Variants in DUS2 observed in about 807,000 individuals in gnomAD.
The protein encoded by DUS2 is tRNA-dihydrouridine(20) synthase [NAD(P)+]-like.
DUS2 carries 52 observed loss-of-function variants against 71.3 expected under a neutral mutation model. The observed-to-expected ratio is 0.73, with a 90% CI of 0.58 to 0.92. The LOEUF (loss-of-function observed/expected upper bound fraction) is 0.92, where lower values mean the gene tolerates loss of function less well. DUS2 is among the 40% of genes least tolerant of loss of function. The probability of loss-of-function intolerance (pLI) is 0.00; values close to 1 mark genes in which losing one functional copy is unlikely to be tolerated. For synonymous variants in DUS2, 204 were observed against 227.8 expected (o/e 0.90, Z 0.94); for missense variants, 558 against 622.6 (o/e 0.90, Z 1.10).
At chr16:68,035,358 C>G (rs988977519) in intron 2 of DUS2, among the ~76,000 whole-genome samples, 2 of 151,980 alleles carry the variant, frequency 1.3e-5, no homozygotes, top group East Asian at 3.9e-4. Flanking sequence ...TTTCTTACTG[C>G]TGTTAACATT....
intron 4 of DUS2, among the ~76,000 whole-genome samples, chr16:68,050,576 A>G (rs76418810): frequency 0.019 from 2,947 of 152,334 alleles, 33 homozygotes; most frequent in Non-Finnish European, 0.03. Context: ...ATGTTTTTCT[A>G]TACATATAGT....
At chr16:68,073,749 G>A (rs1436966307) in intron 12 of DUS2, among the ~76,000 whole-genome samples, 1 of 151,794 alleles carries the variant, frequency 6.6e-6, no homozygotes, top group Non-Finnish European at 1.5e-5. Context: ...GTGCCCAGCC[G>A]ATAATTTTCT....
chr16:68,064,640 C>G (rs2033981636), intron 8 of DUS2, among the ~76,000 whole-genome samples: 1 of 152,098 alleles, frequency 6.6e-6, no homozygotes, highest in South Asian at 2.1e-4. Context: ...CCTGTCAGTC[C>G]CGCCCTTAAA....
At chr16:68,057,812 C>T (rs745653732) in intron 7 of DUS2, among the ~76,000 whole-genome samples, 8 of 144,450 alleles carry the variant, frequency 5.5e-5, no homozygotes, top group East Asian at 2.0e-4. Context: ...ACCTGGGAGA[C>T]GGAGGTTGCA....
intron 7 of DUS2, among the ~76,000 whole-genome samples, chr16:68,060,847 C>CA (rs949018274): frequency 3.4e-4 from 49 of 143,964 alleles, no homozygotes; most frequent in Non-Finnish European, 5.7e-4. Context: ...GAATCTGTCT[C>CA]AAAAAAAAAA....
intron 3 of DUS2, among the ~76,000 whole-genome samples, chr16:68,043,119 C>T (rs957233880): frequency 4.7e-5 from 7 of 150,382 alleles, no homozygotes; most frequent in Non-Finnish European, 1.0e-4. Context: ...TCTCAAAGTG[C>T]TGGGATTGGC....
intron 2 of DUS2, among the ~76,000 whole-genome samples, chr16:68,034,415 G>A (rs2033486804): frequency 6.6e-6 from 1 of 151,942 alleles, no homozygotes; most frequent in African/African-American, 2.4e-5. Context: ...ATGGGATTTT[G>A]CTATGTTGGT....
At chr16:68,054,199 G>A (rs1463156507) in intron 5 of DUS2, among the ~76,000 whole-genome samples, 1 of 151,664 alleles carries the variant, frequency 6.6e-6, no homozygotes, top group Non-Finnish European at 1.5e-5. Context: ...GTTAATTGTA[G>A]AATCTAAATG....
At chr16:68,065,713 A>G (rs2033995961) in intron 8 of DUS2, among the ~76,000 whole-genome samples, 1 of 152,130 alleles carries the variant, frequency 6.6e-6, no homozygotes, top group East Asian at 1.9e-4. Context: ...TCCTGGCTTC[A>G]AGCAATCTTC....
intron 12 of DUS2, among the ~76,000 whole-genome samples, chr16:68,072,754 C>G (rs1837887529): frequency 6.6e-6 from 1 of 152,182 alleles, no homozygotes; most frequent in Non-Finnish European, 1.5e-5. Context: ...CCACCTTCAC[C>G]CAATACTGCT....
chr16:68,056,848 ATGT>A lies in DUS2; in HGVS notation c.369+426_369+428del, dbSNP rs1163838640. 1.0e-4 allele frequency among the ~76,000 whole-genome samples: 15 copies of A among 144,774 alleles called. No individual in the cohort carries two copies. The East Asian group carries it at 2.6e-3, about 25-fold the overall frequency. The allele number at this position is 144,774 out of a possible 152,430, so 95.0% of individuals were successfully genotyped here. A position where few individuals can be genotyped will look rare whatever the true frequency, so the allele number is the denominator to read the frequency against. On this transcript the variant is annotated intron_variant, in intron 7 of 16. Coordinates refer to ENST00000565263, the MANE Select transcript of DUS2 (RefSeq NM_017803.5). Reference sequence around the variant, plus strand: ...TATATATAATGTTATATATTATATAATGTTATATATTATTTATATGTTATATAA... The same window carrying A: ...TATATATAATGTTATATATTATATAATATATATTATTTATATGTTATATAA...
chr16:68,056,329 A>C (rs894968393), intron 6 of DUS2, 35 bp from the exon 7 acceptor site: 2 of 1,594,292 alleles, frequency 1.3e-6, no homozygotes, highest in African/African-American at 2.7e-5. Flanking sequence ...CTCTAATTCA[A>C]TACTTATTAC....
At chr16:68,044,581 G>A (rs1195958744) in intron 3 of DUS2, among the ~76,000 whole-genome samples, 1 of 151,476 alleles carries the variant, frequency 6.6e-6, no homozygotes, top group African/African-American at 2.4e-5. Context: ...TTTTTTTGTA[G>A]AGTTAGGGTT....
intron 2 of DUS2, among the ~76,000 whole-genome samples, chr16:68,032,511 C>T (rs2033454585): frequency 6.6e-6 from 1 of 152,108 alleles, no homozygotes; most frequent in Non-Finnish European, 1.5e-5. Context: ...GGACCAGGGA[C>T]CTGAATTTGA....
intron 8 of DUS2, among the ~76,000 whole-genome samples, chr16:68,065,000 C>T (rs993164238): frequency 6.6e-6 from 1 of 152,184 alleles, no homozygotes; most frequent in African/African-American, 2.4e-5. Context: ...ATCATCTTTC[C>T]TCCAGCTTGC....
intron 2 of DUS2, among the ~76,000 whole-genome samples, chr16:68,031,339 A>G (rs1384642311): frequency 6.6e-6 from 1 of 151,616 alleles, no homozygotes; most frequent in Non-Finnish European, 1.5e-5. Flanking sequence ...TAATTTTTGT[A>G]TTTTTAGTAG....
chr16:68,023,301 T>G lies in DUS2; in HGVS notation c.-149T>G, dbSNP rs1191242980. ...CGAGGCTCAGTACGGTGTGTGGAGCTGGAGCACCGTGAGGAAGAAGCGAGG... is the reference window on the plus strand; with the variant it reads ...CGAGGCTCAGTACGGTGTGTGGAGCGGGAGCACCGTGAGGAAGAAGCGAGG... On this transcript the variant is annotated 5_prime_UTR_variant, in exon 1 of 17. Coordinates refer to ENST00000565263, the MANE Select transcript of DUS2 (RefSeq NM_017803.5). 4 of 1,348,836 alleles carry G rather than the reference T, an allele frequency of 3.0e-6. No homozygotes were observed. Among genetic ancestry groups the G allele is most frequent in the Non-Finnish European group, 4.0e-6 (4 of 998,778 alleles). 83.6% of individuals were successfully genotyped at this position (1,348,836 alleles called of 1,614,324 possible). A position where few individuals can be genotyped will look rare whatever the true frequency, so the allele number is the denominator to read the frequency against.
At chr16:68,064,346 C>G (rs2033978579) in intron 8 of DUS2, among the ~76,000 whole-genome samples, 1 of 152,136 alleles carries the variant, frequency 6.6e-6, no homozygotes, top group Non-Finnish European at 1.5e-5. Flanking sequence ...TCAGTGTGAC[C>G]CTTGCAAGTG....
chr16:68,075,654 C>A, intron 14 of DUS2, 150 bp downstream of exon 14: 1 of 796,406 alleles, frequency 1.3e-6, no homozygotes, highest in Non-Finnish European at 1.9e-6. Flanking sequence ...TTTTCAGCAT[C>A]CCATAGAAGG....
Sources: gnomAD v4.1 joint callset for allele counts (sites outside exome capture counted in the v4.1 genomes callset) on GRCh38, gnomAD v4.1.1 for gene constraint, MANE v1.5 for transcripts, NCBI Gene and HGNC (gene_info 2026-07-23, HGNC 2026-07-21) for gene names.